Variants in CEP112 observed in about 807,000 individuals in gnomAD.
The protein encoded by CEP112 is centrosomal protein 112, also known as centrosomal protein of 112 kDa.
Under a neutral mutation model 153.0 loss-of-function variants are expected in CEP112, and 127 were observed. That is an observed-to-expected ratio of 0.83 (90% CI 0.72 to 0.96). The LOEUF (loss-of-function observed/expected upper bound fraction) is 0.96. CEP112 is among the 40% of genes least tolerant of loss of function. The pLI is 0.00. For missense variants in CEP112, 1,089 were observed against 1,101.2 expected, an observed-to-expected ratio of 0.99 and a Z score of 0.16; for synonymous variants, 358 against 374.4, an observed-to-expected ratio of 0.96 and a Z score of 0.51.
At chr17:65,844,985 C>A (rs1222211036) in intron 21 of CEP112, among the ~76,000 whole-genome samples, 1 of 150,422 alleles carries the variant, frequency 6.6e-6, no homozygotes, top group Non-Finnish European at 1.5e-5. Context: ...TGCACTTCAG[C>A]CTGGCGACAG....
intron 23 of CEP112, among the ~76,000 whole-genome samples, chr17:65,727,749 A>C (rs2050259279): frequency 1.3e-5 from 2 of 152,342 alleles, no homozygotes; most frequent in Non-Finnish European, 2.9e-5. Flanking sequence ...GATGATTTAC[A>C]GGCAGTGCAA....
At chr17:65,675,884 C>T (rs764656987) in intron 24 of CEP112, among the ~76,000 whole-genome samples, 1 of 151,866 alleles carries the variant, frequency 6.6e-6, no homozygotes, top group Non-Finnish European at 1.5e-5. Context: ...GGAGAAAAGG[C>T]ATTTAAGAAA....
At chr17:65,673,320 T>A (rs573647192) in intron 24 of CEP112, among the ~76,000 whole-genome samples, 30 of 152,266 alleles carry the variant, frequency 2.0e-4, no homozygotes, top group Middle Eastern at 3.4e-3. Context: ...TTCAAATCTC[T>A]CTAGCCCCCC....
At chr17:65,743,034 C>A in intron 23 of CEP112, 34 bp downstream of exon 23, 1 of 1,556,070 alleles carries the variant, frequency 6.4e-7, no homozygotes, top group Non-Finnish European at 8.7e-7. Context: ...ATTAAAGCAG[C>A]TGGTACCACT....
intron 21 of CEP112, among the ~76,000 whole-genome samples, chr17:65,818,005 TG>T (rs1209456086): frequency 6.6e-6 from 1 of 151,898 alleles, no homozygotes; most frequent in Non-Finnish European, 1.5e-5. Context: ...CATTAGGTCC[TG>T]ATCAATTATG....
At chr17:65,684,782 C>T (rs2047700812) in intron 24 of CEP112, among the ~76,000 whole-genome samples, 1 of 152,136 alleles carries the variant, frequency 6.6e-6, no homozygotes, top group Non-Finnish European at 1.5e-5. Flanking sequence ...CAGACCTACC[C>T]TGGGTCTGCC....
intron 25 of CEP112, among the ~76,000 whole-genome samples, chr17:65,638,321 A>T (rs1414107357): frequency 6.6e-6 from 1 of 152,256 alleles, no homozygotes; most frequent in Non-Finnish European, 1.5e-5. Context: ...TTTGGGGCCA[A>T]CTTATACCAT....
At chr17:65,954,806 A>C (rs1289778596) in intron 18 of CEP112, among the ~76,000 whole-genome samples, 2 of 152,146 alleles carry the variant, frequency 1.3e-5, no homozygotes, top group Non-Finnish European at 2.9e-5. Flanking sequence ...CCAATCCATC[A>C]AAGATGAAGA....
chr17:65,765,684 G>A (rs2052921962), intron 21 of CEP112, among the ~76,000 whole-genome samples: 1 of 151,944 alleles, frequency 6.6e-6, no homozygotes, highest in African/African-American at 2.4e-5. Flanking sequence ...ATATGTTGCT[G>A]CCACTGATTC....
rs544397458 is a variant in CEP112 at position 66,066,689 on chromosome 17, T to C, written c.955+89A>G. ...ACATAAACATTCCTATCTCATACTA[T>C]AAAAGGTCAGAAATCAAATTTTTTT... is the stretch of plus-strand genomic sequence containing the variant. On this transcript the variant is annotated intron_variant, in intron 10 of 26. Coordinates refer to ENST00000535342, the MANE Select transcript of CEP112 (RefSeq NM_001199165.4). 9.1e-5 allele frequency: 80 copies of C among 880,972 alleles called. 3 individuals are homozygous for C. In the South Asian group the frequency reaches 1.6e-3, roughly 17 times the overall value. 54.6% of individuals were successfully genotyped at this position (880,972 alleles called of 1,614,324 possible).
intron 8 of CEP112, among the ~76,000 whole-genome samples, chr17:66,070,702 T>C (rs1236465690): frequency 6.6e-6 from 1 of 152,096 alleles, no homozygotes; most frequent in Admixed American, 6.6e-5. Context: ...AAAAGAGCAA[T>C]AGTGACAGGT....
At chr17:65,708,039 C>T (rs2049000286) in intron 23 of CEP112, among the ~76,000 whole-genome samples, 1 of 152,304 alleles carries the variant, frequency 6.6e-6, no homozygotes, top group African/African-American at 2.4e-5. Context: ...TGAATCATGC[C>T]TGTAACTAAA....
chr17:65,810,757 G>T (rs2055901511), intron 21 of CEP112, among the ~76,000 whole-genome samples: 3 of 151,926 alleles, frequency 2.0e-5, no homozygotes, highest in South Asian at 2.1e-4. Context: ...TGATATAAGA[G>T]AAATGGTGGA....
At chr17:65,930,718 T>C (rs2061088182) in intron 18 of CEP112, among the ~76,000 whole-genome samples, 1 of 152,256 alleles carries the variant, frequency 6.6e-6, no homozygotes, top group South Asian at 2.1e-4. Context: ...GTGCTTTTCA[T>C]ATTGGACCTC....
intron 8 of CEP112, among the ~76,000 whole-genome samples, chr17:66,094,617 A>G (rs2068266955): frequency 6.6e-6 from 1 of 152,218 alleles, no homozygotes; most frequent in African/African-American, 2.4e-5. Context: ...TGAACCGAAA[A>G]GCATAGTCAA....
chr17:66,034,891 C>A (rs2065647624), intron 12 of CEP112, among the ~76,000 whole-genome samples: 1 of 149,834 alleles, frequency 6.7e-6, no homozygotes, highest in Non-Finnish European at 1.5e-5. Flanking sequence ...CACCGCAACC[C>A]CTGCCTCCCA....
chr17:65,690,092 T>C (rs765963890), intron 23 of CEP112, among the ~76,000 whole-genome samples: 13 of 87,532 alleles, frequency 1.5e-4, no homozygotes, highest in African/African-American at 5.6e-4. Flanking sequence ...ACTCTAGACA[T>C]AGCAATGAAA....
intron 17 of CEP112, among the ~76,000 whole-genome samples, chr17:65,986,135 C>T (rs2063398629): frequency 6.6e-6 from 1 of 151,916 alleles, no homozygotes; most frequent in African/African-American, 2.4e-5. Context: ...CAATAGTCTC[C>T]CCCAAGTGCT....
At chr17:65,978,000 G>A (rs541277855) in intron 17 of CEP112, among the ~76,000 whole-genome samples, 6 of 152,282 alleles carry the variant, frequency 3.9e-5, no homozygotes, top group Admixed American at 1.3e-4. Flanking sequence ...ACTTGAACAC[G>A]GGAGGTGGAG....
Sources: gnomAD v4.1 joint callset for allele counts (sites outside exome capture counted in the v4.1 genomes callset) on GRCh38, gnomAD v4.1.1 for gene constraint, MANE v1.5 for transcripts, NCBI Gene and HGNC (gene_info 2026-07-23, HGNC 2026-07-21) for gene names.